Variants in NSUN4 observed in about 807,000 individuals in gnomAD.
NSUN4 encodes the protein NOP2/Sun RNA methyltransferase 4, also known as 5-cytosine rRNA methyltransferase NSUN4.
NSUN4 carries 31 observed loss-of-function variants against 43.8 expected under a neutral mutation model. The ratio of observed to expected loss-of-function variants is 0.71; its 90% CI spans 0.53 to 0.96. The LOEUF is 0.96. Ranked by LOEUF, NSUN4 falls within the 40% of genes least tolerant of loss-of-function variation. The pLI, the probability that NSUN4 is intolerant of heterozygous loss-of-function variation, is 0.00. For synonymous variants in NSUN4, 167 were observed against 184.1 expected, an observed-to-expected ratio of 0.91 and a Z score of 0.75; for missense variants, 439 against 475.6, an observed-to-expected ratio of 0.92 and a Z score of 0.72.
intron 4 of NSUN4, among the ~76,000 whole-genome samples, chr1:46,360,221 T>C (rs1569768969): frequency 2.1e-5 from 1 of 48,664 alleles, no homozygotes. Flanking sequence ...AGAGCAAGAC[T>C]CCATCTCAAA....
chr1:46,378,305 C>A, the NSUN4 span, among the ~76,000 whole-genome samples: 1 of 151,994 alleles, frequency 6.6e-6, no homozygotes, highest in Middle Eastern at 3.4e-3. Context: ...TCAAGGGATC[C>A]TCCTGCCTCA....
chr1:46,358,649 C>T (rs1420285075), intron 4 of NSUN4, among the ~76,000 whole-genome samples: 1 of 151,986 alleles, frequency 6.6e-6, no homozygotes, highest in Non-Finnish European at 1.5e-5. Context: ...ATCTGCCTGC[C>T]TCGGCCTCCC....
At chr1:46,379,944 T>A in the NSUN4 span, among the ~76,000 whole-genome samples, 946 of 152,232 alleles carry the variant, frequency 6.2e-3, 12 homozygotes, top group African/African-American at 0.021. Flanking sequence ...TCTAATACCA[T>A]TACCTTGGTG....
At chr1:46,382,326 A>G in the NSUN4 span, among the ~76,000 whole-genome samples, 1 of 152,168 alleles carries the variant, frequency 6.6e-6, no homozygotes, top group Non-Finnish European at 1.5e-5. Flanking sequence ...TAGGGCCACT[A>G]TGCAATGAAA....
chr1:46,384,307 C>T, the NSUN4 span, among the ~76,000 whole-genome samples: 7 of 152,124 alleles, frequency 4.6e-5, no homozygotes, highest in Non-Finnish European at 1.0e-4. Context: ...ACTTCTTTAA[C>T]ATGTCTTGGC....
intron 3 of NSUN4, 109 bp downstream of exon 3, chr1:46,347,184 T>C (rs1014806311): frequency 9.4e-6 from 11 of 1,169,614 alleles, no homozygotes; most frequent in Non-Finnish European, 1.2e-5. Context: ...CCGCCTGTAA[T>C]CCCAGCACTT....
the NSUN4 span, among the ~76,000 whole-genome samples, chr1:46,383,089 T>G: frequency 1.3e-5 from 2 of 152,156 alleles, no homozygotes; most frequent in African/African-American, 4.8e-5. Context: ...GCTTCTTGGA[T>G]GTAAAATCCA....
rs774746381 is a variant in NSUN4 at position 46,361,783 on chromosome 1, A to T, written c.1092A>T (p.Val364=). Residue 364 remains valine (V), a synonymous_variant, in exon 6 of 6, where the codon GTA becomes GTT. Transcript: ENST00000474844. ...CATCCTGTCAGGTTGGGGAGCTGGTAATACCAAACCTCATGGCCAATTTTG... is the reference window on the plus strand; with the variant it reads ...CATCCTGTCAGGTTGGGGAGCTGGTTATACCAAACCTCATGGCCAATTTTG... ...FFSSCQVGEL[V]IPNLMANFGP... is the part of the protein sequence containing the mutation. 1 of 1,614,174 alleles carries T rather than the reference A, an allele frequency of 6.2e-7. No individual in the cohort carries two copies. Among genetic ancestry groups the T allele is most frequent in the South Asian group, 1.1e-5 (1 of 91,084 alleles).
At position 46,356,647 on chromosome 1, in the gene NSUN4, C is replaced by T. The variant is rs549379073; in HGVS notation, c.753+3619C>T. Among the ~76,000 whole-genome samples the T allele has an allele frequency of 1.6e-4, 25 of 151,832 alleles. No homozygotes were observed. The South Asian group carries it at 2.7e-3, about 16-fold the overall frequency. ...GGCAGAGCCTGCAGTGAGCCGAGAT[C>T]GCGCCACTGCACTCCAGCCTGGGAG... On this transcript the variant is annotated intron_variant, in intron 4 of 5. Transcript: ENST00000474844.
chr1:46,360,264 A>ATATATG (rs1458941736), intron 4 of NSUN4, among the ~76,000 whole-genome samples: 1 of 107,496 alleles, frequency 9.3e-6, no homozygotes, highest in African/African-American at 3.6e-5. Flanking sequence ...ATATATATAT[A>ATATATG]TATATATATA....
At chr1:46,345,179 GTGTC>G in intron 2 of NSUN4, 35 bp downstream of exon 2, 1 of 1,494,308 alleles carries the variant, frequency 6.7e-7, no homozygotes, top group South Asian at 1.2e-5. Flanking sequence ...GCGGTCCTGA[GTGTC>G]TGCTGGAAGT....
Position 46,347,916 on chromosome 1 carries a change from C to T in NSUN4, c.592+841C>T, listed in dbSNP as rs61570836. Among the ~76,000 whole-genome samples, 888 of 148,542 alleles carry T rather than the reference C, an allele frequency of 6.0e-3. 12 individuals are homozygous for T. Among genetic ancestry groups the T allele is most frequent in the African/African-American group, 0.021 (838 of 40,518 alleles). ...TTTTCGAGATGGAGTCTCACTCTGT[C>T]ACCCAGGTTGGAGTGCAGTGGCACG... is the stretch of plus-strand genomic sequence containing the variant. On this transcript the variant is annotated intron_variant, in intron 3 of 5. Transcript: ENST00000474844.
chr1:46,361,819 C>T lies in NSUN4; in HGVS notation c.1128C>T (p.Tyr376=). Residue 376 remains tyrosine (Y), a synonymous_variant, in exon 6 of 6, where the codon TAC becomes TAT. Transcript: ENST00000474844. ...TCATGGCCAATTTTGGCCCCATGTA[C>T]TTCTGCAAAATGCGTAGGCTGACAT... ...PNLMANFGPM[Y]FCKMRRLT The T allele has an allele frequency of 1.2e-6, 2 of 1,614,132 alleles. No individual in the cohort carries two copies. Among genetic ancestry groups the T allele is most frequent in the South Asian group, 1.1e-5 (1 of 91,074 alleles).
At chr1:46,360,048 T>C (rs1663709098) in intron 4 of NSUN4, among the ~76,000 whole-genome samples, 1 of 149,480 alleles carries the variant, frequency 6.7e-6, no homozygotes, top group African/African-American at 2.5e-5. Flanking sequence ...GCTAGCACGG[T>C]GAAACCCCGG....
the NSUN4 span, among the ~76,000 whole-genome samples, chr1:46,377,260 G>A: frequency 6.6e-6 from 1 of 152,212 alleles, no homozygotes. Context: ...ATGTTGGCCA[G>A]GCTGGTCTCA....
chr1:46,359,805 C>T (rs1258863183), intron 4 of NSUN4, among the ~76,000 whole-genome samples: 1 of 152,060 alleles, frequency 6.6e-6, no homozygotes, highest in Admixed American at 6.6e-5. Context: ...TGGGGTCTCA[C>T]TATGTTTTCC....
At chr1:46,356,235 T>C (rs1311286331) in intron 4 of NSUN4, among the ~76,000 whole-genome samples, 1 of 152,162 alleles carries the variant, frequency 6.6e-6, no homozygotes, top group Non-Finnish European at 1.5e-5. Context: ...CATGCCTGGC[T>C]AATTTTTTAA....
At chr1:46,345,630 G>A (rs1397052447) in intron 2 of NSUN4, among the ~76,000 whole-genome samples, 1 of 152,218 alleles carries the variant, frequency 6.6e-6, no homozygotes, top group East Asian at 1.9e-4. Context: ...TAGCAAAGAG[G>A]TAGTGGGACT....
chr1:46,376,180 G>A, the NSUN4 span, among the ~76,000 whole-genome samples: 1 of 151,420 alleles, frequency 6.6e-6, no homozygotes. Context: ...GGCCGAGGTG[G>A]GTGGACCACC....
Sources: allele counts gnomAD v4.1 joint callset (sites outside exome capture counted in the v4.1 genomes callset), GRCh38; gene constraint gnomAD v4.1.1; transcripts MANE v1.5; gene names NCBI Gene and HGNC (gene_info 2026-07-23, HGNC 2026-07-21).